LYPD6: variants seen among roughly 807,000 people sequenced by gnomAD.
LYPD6 encodes ly6/PLAUR domain-containing protein 6.
LYPD6 carries 15 observed loss-of-function variants against 22.7 expected under a neutral mutation model. That is an observed-to-expected ratio of 0.66 (90% CI 0.44 to 1.02). The LOEUF is 1.02. Among genes scored for constraint, LYPD6 ranks in the 50% least tolerant of loss-of-function variants. The probability of loss-of-function intolerance (pLI) is 0.00; values close to 1 mark genes in which losing one functional copy is unlikely to be tolerated. For synonymous variants in LYPD6, 72 were observed against 77.5 expected (o/e 0.93, Z 0.37); for missense variants, 189 against 208.4 (o/e 0.91, Z 0.57).
intron 1 of LYPD6, among the ~76,000 whole-genome samples, chr2:149,408,940 A>T (rs1242678130): frequency 3.9e-5 from 6 of 152,104 alleles, no homozygotes; most frequent in Admixed American, 3.3e-4. Context: ...TTTTGGATTA[A>T]TTGCTGGTGA....
upstream of LYPD6, chr2:149,330,375 T>G (rs1336752661): frequency 1.4e-4 from 21 of 150,944 alleles, no homozygotes; most frequent in South Asian, 4.2e-4. Flanking sequence ...TTTGCAGACT[T>G]GGCGCTCAGG....
the LYPD6 span, among the ~76,000 whole-genome samples, chr2:149,483,407 A>G: frequency 6.6e-6 from 1 of 152,206 alleles, no homozygotes; most frequent in African/African-American, 2.4e-5. Flanking sequence ...AAGAAGGAAG[A>G]GAGGTTTTAA....
intron 1 of LYPD6, among the ~76,000 whole-genome samples, chr2:149,340,168 C>A (rs553100029): frequency 2.0e-5 from 3 of 152,012 alleles, no homozygotes; most frequent in African/African-American, 7.2e-5. Flanking sequence ...TAAACATTTT[C>A]AAAAAATATT....
chr2:149,430,715 A>G (rs1265801547), intron 1 of LYPD6, among the ~76,000 whole-genome samples: 2 of 152,352 alleles, frequency 1.3e-5, no homozygotes, highest in East Asian at 3.9e-4. Context: ...TTGCGTATAT[A>G]CTGACTTAGT....
chr2:149,438,380 C>T (rs776474943), intron 2 of LYPD6, among the ~76,000 whole-genome samples: 3 of 152,206 alleles, frequency 2.0e-5, no homozygotes, highest in Non-Finnish European at 4.4e-5. Flanking sequence ...TGCATTTTTG[C>T]ATTCAGCAAG....
intron 1 of LYPD6, among the ~76,000 whole-genome samples, chr2:149,389,799 G>A (rs1270850086): frequency 3.9e-5 from 6 of 152,166 alleles, no homozygotes; most frequent in African/African-American, 7.2e-5. Context: ...CCCTGCTCCT[G>A]ACTACTGATG....
chr2:149,420,206 G>A (rs1273823499), intron 1 of LYPD6, among the ~76,000 whole-genome samples: 1 of 152,196 alleles, frequency 6.6e-6, no homozygotes, highest in Non-Finnish European at 1.5e-5. Flanking sequence ...TGAGCTGAAG[G>A]CATCTCAGTG....
chr2:149,359,031 A>G (rs1238623415), intron 1 of LYPD6, among the ~76,000 whole-genome samples: 1 of 152,194 alleles, frequency 6.6e-6, no homozygotes, highest in Non-Finnish European at 1.5e-5. Context: ...CTCCATCTCT[A>G]TGCTCCCATG....
intron 1 of LYPD6, among the ~76,000 whole-genome samples, chr2:149,407,959 C>T (rs1682760215): frequency 6.6e-6 from 1 of 152,294 alleles, no homozygotes; most frequent in Admixed American, 6.5e-5. Flanking sequence ...ACAGACAGGA[C>T]CTTCAGCTGC....
At chr2:149,454,997 C>G (rs1680921843) in intron 3 of LYPD6, among the ~76,000 whole-genome samples, 1 of 151,974 alleles carries the variant, frequency 6.6e-6, no homozygotes, top group Non-Finnish European at 1.5e-5. Flanking sequence ...CTCAGCCTCT[C>G]CACCTGTGCA....
intron 3 of LYPD6, among the ~76,000 whole-genome samples, chr2:149,457,255 C>T (rs1680978032): frequency 6.6e-6 from 1 of 151,940 alleles, no homozygotes; most frequent in Non-Finnish European, 1.5e-5. Context: ...TGAGACTATT[C>T]AAATTCAATG....
the LYPD6 span, among the ~76,000 whole-genome samples, chr2:149,485,093 C>T: frequency 7.9e-5 from 12 of 152,216 alleles, 1 homozygote; most frequent in South Asian, 8.3e-4. Context: ...TGGGTCATCA[C>T]GGGCCCCTCA....
chr2:149,364,012 C>G (rs1037679158), intron 1 of LYPD6, among the ~76,000 whole-genome samples: 1 of 152,080 alleles, frequency 6.6e-6, no homozygotes, highest in African/African-American at 2.4e-5. Context: ...AAAAAATGAG[C>G]CTTTCTTATC....
intron 1 of LYPD6, among the ~76,000 whole-genome samples, chr2:149,370,818 G>A (rs1261701103): frequency 1.3e-5 from 2 of 152,090 alleles, no homozygotes; most frequent in Non-Finnish European, 2.9e-5. Context: ...ATGTTAGCTG[G>A]GCATGGTGGT....
chr2:149,421,458 G>T (rs1683077880), intron 1 of LYPD6, among the ~76,000 whole-genome samples: 4 of 151,506 alleles, frequency 2.6e-5, no homozygotes, highest in African/African-American at 9.7e-5. Flanking sequence ...CTGTAAAATG[G>T]AGTAATAATA....
intron 1 of LYPD6, among the ~76,000 whole-genome samples, chr2:149,366,431 G>T (rs1233847942): frequency 4.6e-5 from 7 of 152,186 alleles, no homozygotes; most frequent in Non-Finnish European, 1.5e-5. Flanking sequence ...GGCAGAGAAA[G>T]AATGTAAATG....
intron 1 of LYPD6, among the ~76,000 whole-genome samples, chr2:149,431,221 G>A (rs1277876674): frequency 6.6e-6 from 1 of 152,094 alleles, no homozygotes. Flanking sequence ...CCGTATTCAG[G>A]GACACGATCT....
chr2:149,345,984 T>C (rs963532889), intron 1 of LYPD6, among the ~76,000 whole-genome samples: 1 of 152,166 alleles, frequency 6.6e-6, no homozygotes, highest in Non-Finnish European at 1.5e-5. Context: ...CCTGAACATA[T>C]AAATGATGCC....
intron 1 of LYPD6, among the ~76,000 whole-genome samples, chr2:149,399,028 A>G (rs1045250470): frequency 3.9e-5 from 6 of 152,160 alleles, no homozygotes; most frequent in African/African-American, 9.7e-5. Context: ...GACATTTGCC[A>G]CTATGCCAAA....
Sources: gnomAD v4.1 joint callset for allele counts (sites outside exome capture counted in the v4.1 genomes callset) on GRCh38, gnomAD v4.1.1 for gene constraint, MANE v1.5 for transcripts, NCBI Gene and HGNC (gene_info 2026-07-23, HGNC 2026-07-21) for gene names.